DUSP22: variants seen among roughly 807,000 people sequenced by gnomAD.
The protein encoded by DUSP22 is dual specificity protein phosphatase 22.
In DUSP22, 24 loss-of-function variants were observed where a neutral mutation model predicts 24.5. The observed-to-expected ratio is 0.98, with a 90% CI of 0.71 to 1.38. The LOEUF (loss-of-function observed/expected upper bound fraction) is 1.38. Ranked by LOEUF, DUSP22 falls within the 40% of genes most tolerant of loss-of-function variation. DUSP22 has a pLI of 0.00. For synonymous variants in DUSP22, 160 were observed against 106.4 expected (o/e 1.50, Z -3.10); for missense variants, 330 against 269.2 (o/e 1.23, Z -1.58).
intron 3 of DUSP22, chr6:320,430 G>C (rs1022813998): frequency 6.5e-5 from 10 of 153,098 alleles, no homozygotes; most frequent in African/African-American, 2.4e-4. Context: ...GTCCACGTTG[G>C]GGAATGTGTG....
intron 1 of DUSP22, among the ~76,000 whole-genome samples, chr6:302,578 C>T (rs1757635272): frequency 6.6e-6 from 1 of 152,306 alleles, no homozygotes; most frequent in Non-Finnish European, 1.5e-5. Context: ...AGGGCAGGGC[C>T]CTGTCTCTCT....
chr6:329,840 CTCA>C (rs1238709695), intron 3 of DUSP22, among the ~76,000 whole-genome samples: 2 of 152,244 alleles, frequency 1.3e-5, no homozygotes, highest in Non-Finnish European at 2.9e-5. Context: ...GTGTGTGTTT[CTCA>C]TCATAGTGTT....
At chr6:304,755 A>G in intron 2 of DUSP22, 94 bp downstream of exon 2, 1 of 1,546,740 alleles carries the variant, frequency 6.5e-7, no homozygotes, top group Non-Finnish European at 8.9e-7. Flanking sequence ...AGTGGCTTTA[A>G]GTAATTTGCA....
rs2127423292 is a variant in DUSP22 at position 348,115 on chromosome 6, C to T, written c.276C>T (p.Val92=). The T allele has an allele frequency of 6.2e-7, 1 of 1,614,260 alleles. No individual in the cohort carries two copies. ...CTTGGCCCCGCAGCCTGGCCGGGGTCTCCAGGAGCGTGACACTGGTGATCG... is the reference window on the plus strand; with the variant it reads ...CTTGGCCCCGCAGCCTGGCCGGGGTTTCCAGGAGCGTGACACTGGTGATCG... ...ESCLVHCLAG[V]SRSVTLVIAY... Residue 92 remains valine, a synonymous_variant, in exon 6 of 7, where the codon GTC becomes GTT. Transcript: ENST00000419235.
intron 3 of DUSP22, among the ~76,000 whole-genome samples, chr6:312,354 G>A (rs1758149326): frequency 1.3e-5 from 2 of 152,392 alleles, no homozygotes; most frequent in African/African-American, 2.4e-5. Context: ...AACTCAAATA[G>A]CTACCACTGG....
At chr6:307,222 A>G (rs910472300) in intron 2 of DUSP22, among the ~76,000 whole-genome samples, 4 of 152,426 alleles carry the variant, frequency 2.6e-5, no homozygotes, top group South Asian at 2.1e-4. Context: ...AAGAACCAGT[A>G]GAGTAGAAAG....
chr6:347,626 C>G (rs1224730747), intron 5 of DUSP22, among the ~76,000 whole-genome samples: 1 of 152,308 alleles, frequency 6.6e-6, no homozygotes, highest in African/African-American at 2.4e-5. Context: ...GTAAGGGCTT[C>G]TCTACATCAT....
At chr6:302,132 G>A (rs983078889) in intron 1 of DUSP22, among the ~76,000 whole-genome samples, 15 of 152,302 alleles carry the variant, frequency 9.8e-5, no homozygotes, top group African/African-American at 2.2e-4. Context: ...CCAGGACCCC[G>A]CCATCGCCGT....
chr6:338,764 G>T (rs577900629), intron 4 of DUSP22, among the ~76,000 whole-genome samples: 2 of 152,418 alleles, frequency 1.3e-5, no homozygotes, highest in East Asian at 3.8e-4. Flanking sequence ...TGCCAGCTTT[G>T]ATGTAATTTA....
intron 2 of DUSP22, among the ~76,000 whole-genome samples, chr6:307,105 T>C (rs1261067890): frequency 6.6e-6 from 1 of 152,308 alleles, no homozygotes; most frequent in African/African-American, 2.4e-5. Context: ...TCTTTCTTTT[T>C]TCCTGGGCGG....
intron 3 of DUSP22, among the ~76,000 whole-genome samples, chr6:328,965 T>A (rs1438278513): frequency 6.6e-6 from 1 of 152,290 alleles, no homozygotes; most frequent in Non-Finnish European, 1.5e-5. Flanking sequence ...CCTTTAACCT[T>A]ACATAATTTC....
intron 5 of DUSP22, among the ~76,000 whole-genome samples, chr6:347,595 A>G (rs970777355): frequency 6.6e-6 from 1 of 152,308 alleles, no homozygotes; most frequent in African/African-American, 2.4e-5. Flanking sequence ...TATGTCAGGA[A>G]GAGTACAAAA....
rs1760109434 is a variant in DUSP22, at chr6:349,887, C to T, written c.*936C>T. The T allele has an allele frequency of 5.1e-6, 5 of 985,844 alleles. No individual in the cohort carries two copies. Among genetic ancestry groups the T allele is most frequent in the Non-Finnish European group, 6.0e-6 (5 of 830,304 alleles). The allele number at this position is 985,844 out of a possible 1,614,324, so 61.1% of individuals were successfully genotyped here. On this transcript the variant is annotated 3_prime_UTR_variant, in exon 7 of 7. Coordinates refer to ENST00000419235, the MANE Select transcript of DUSP22 (RefSeq NM_001286555.3). Reference sequence around the variant, plus strand: ...AGTTGGGTGCCCCAGGGCACCCCCTCCTCTCTGCTCCTTGCCAGCTTCATT... The same window carrying T: ...AGTTGGGTGCCCCAGGGCACCCCCTTCTCTCTGCTCCTTGCCAGCTTCATT...
chr6:308,246 T>C (rs372851029), intron 2 of DUSP22, among the ~76,000 whole-genome samples: 38 of 152,408 alleles, frequency 2.5e-4, no homozygotes, highest in African/African-American at 8.7e-4. Context: ...CAGGAGGAGC[T>C]AGTTTGAAAT....
intron 4 of DUSP22, 120 bp downstream of exon 4, chr6:335,283 C>T: frequency 1.5e-6 from 2 of 1,313,316 alleles, no homozygotes; most frequent in Non-Finnish European, 2.2e-6. Context: ...GCTGACCCTG[C>T]CAGGGAAGAG....
At chr6:315,566 G>T (rs1758304933) in intron 3 of DUSP22, among the ~76,000 whole-genome samples, 1 of 152,306 alleles carries the variant, frequency 6.6e-6, no homozygotes, top group South Asian at 2.1e-4. Context: ...GATCACCTTT[G>T]AAAAAGGTTG....
intron 5 of DUSP22, among the ~76,000 whole-genome samples, chr6:346,750 T>C (rs945364094): frequency 5.8e-4 from 88 of 152,362 alleles, no homozygotes; most frequent in African/African-American, 2.0e-3. Flanking sequence ...CCCGAAACAG[T>C]TCCTCTTGCA....
At chr6:329,497 G>A (rs112273779) in intron 3 of DUSP22, among the ~76,000 whole-genome samples, 2,477 of 151,458 alleles carry the variant, frequency 0.016, 1 homozygote, top group Admixed American at 0.028. Flanking sequence ...CTATATCCCA[G>A]ACTGGAGTGC....
chr6:315,184 T>C (rs1051554893), intron 3 of DUSP22, among the ~76,000 whole-genome samples: 2 of 152,302 alleles, frequency 1.3e-5, no homozygotes, highest in African/African-American at 4.8e-5. Flanking sequence ...CCTTCCAGAA[T>C]GAAGATCTTA....
Sources: allele counts gnomAD v4.1 joint callset (sites outside exome capture counted in the v4.1 genomes callset), GRCh38; gene constraint gnomAD v4.1.1; transcripts MANE v1.5; gene names NCBI Gene and HGNC (gene_info 2026-07-23, HGNC 2026-07-21).